The following NUDCD1 variants were observed in gnomAD, a reference collection of about 807,000 sequenced individuals.
NUDCD1 encodes nudC domain-containing protein 1.
A neutral mutation model predicts 67.8 loss-of-function variants in NUDCD1; 60 were observed. That is an observed-to-expected ratio of 0.88 (90% confidence interval 0.72 to 1.10). The LOEUF (loss-of-function observed/expected upper bound fraction) is 1.10. Ranked by LOEUF, NUDCD1 falls within the 50% of genes least tolerant of loss-of-function variation. The probability of loss-of-function intolerance (pLI) is 0.00; values close to 1 mark genes in which losing one functional copy is unlikely to be tolerated. For synonymous variants in NUDCD1, 244 were observed against 230.8 expected (o/e 1.06, Z -0.52); for missense variants, 643 against 695.0 (o/e 0.93, Z 0.84).
At chr8:109,274,996 A>G (rs1026059987) in intron 7 of NUDCD1, among the ~76,000 whole-genome samples, 1 of 152,162 alleles carries the variant, frequency 6.6e-6, no homozygotes, top group African/African-American at 2.4e-5. Context: ...AATTTTAGGG[A>G]TAAGTAGATT....
intron 2 of NUDCD1, among the ~76,000 whole-genome samples, chr8:109,318,765 C>G (rs1815462252): frequency 6.6e-6 from 1 of 152,106 alleles, no homozygotes. Context: ...GAACTCATAC[C>G]TACACTTGGA....
intron 1 of NUDCD1, among the ~76,000 whole-genome samples, chr8:109,332,396 A>C (rs1406238585): frequency 1.3e-5 from 2 of 152,222 alleles, no homozygotes; most frequent in Non-Finnish European, 2.9e-5. Flanking sequence ...TGACTCTGGC[A>C]CAAGTGTCTC....
At chr8:109,254,895 A>C (rs1005779252) in intron 8 of NUDCD1, among the ~76,000 whole-genome samples, 3 of 152,202 alleles carry the variant, frequency 2.0e-5, no homozygotes, top group Non-Finnish European at 4.4e-5. Flanking sequence ...TTCTGTACAC[A>C]GAATAAATTG....
chr8:109,283,225 T>G (rs1814497705), intron 5 of NUDCD1, among the ~76,000 whole-genome samples: 1 of 152,144 alleles, frequency 6.6e-6, no homozygotes, highest in African/African-American at 2.4e-5. Flanking sequence ...TCTTTCAAAC[T>G]AGTCCAGCTA....
intron 6 of NUDCD1, among the ~76,000 whole-genome samples, chr8:109,280,718 A>G (rs1290634836): frequency 1.3e-5 from 2 of 152,196 alleles, no homozygotes; most frequent in Admixed American, 6.5e-5. Context: ...ACCTATGATT[A>G]TTATTGTATC....
intron 4 of NUDCD1, among the ~76,000 whole-genome samples, chr8:109,292,951 G>A (rs745696920): frequency 6.6e-6 from 1 of 151,752 alleles, no homozygotes; most frequent in Non-Finnish European, 1.5e-5. Context: ...TCATTTCCAA[G>A]TAAGTATTTA....
intron 3 of NUDCD1, among the ~76,000 whole-genome samples, chr8:109,294,842 T>C (rs1243204949): frequency 6.6e-6 from 1 of 151,926 alleles, no homozygotes; most frequent in Non-Finnish European, 1.5e-5. Context: ...CCCACCATGC[T>C]CCGTAATCAC....
intron 1 of NUDCD1, among the ~76,000 whole-genome samples, chr8:109,332,448 A>C (rs898179261): frequency 6.6e-6 from 1 of 152,198 alleles, no homozygotes; most frequent in Non-Finnish European, 1.5e-5. Flanking sequence ...AAAGGATAAG[A>C]GACCACACGG....
At chr8:109,281,244 A>G in intron 5 of NUDCD1, 72 bp from the exon 6 acceptor site, 1 of 964,790 alleles carries the variant, frequency 1.0e-6, no homozygotes, top group Non-Finnish European at 1.6e-6. Flanking sequence ...AAACCTATCT[A>G]AAAGAATTTT....
Position 109,245,360 on chromosome 8 carries a change from T to C in NUDCD1, c.1421A>G (p.Asp474Gly). ...LLWQPHSSKQDDMWEHIATFN... is the reference protein window; with the variant it reads ...LLWQPHSSKQGDMWEHIATFN... ...AGTTGCGATGTGCTCCCACATATCA[T>C]CTTGTTTGCTGGAGTGTGGTTGCCA... Residue 474 changes from aspartate to glycine, a missense_variant, in exon 9 of 10, where the codon GAT becomes GGT. Transcript: ENST00000239690. 2 of 1,613,958 alleles carry C rather than the reference T, an allele frequency of 1.2e-6. No homozygotes were observed. The highest frequency in any genetic ancestry group is 1.7e-6 in the Non-Finnish European group (2 of 1,179,916).
intron 2 of NUDCD1, among the ~76,000 whole-genome samples, chr8:109,312,609 T>G (rs1041742619): frequency 2.6e-5 from 4 of 152,154 alleles, no homozygotes; most frequent in African/African-American, 9.7e-5. Flanking sequence ...TATGTTTATT[T>G]TAATAACGAA....
intron 2 of NUDCD1, among the ~76,000 whole-genome samples, chr8:109,320,793 C>T (rs771437567): frequency 2.6e-5 from 4 of 152,194 alleles, no homozygotes; most frequent in Non-Finnish European, 5.9e-5. Flanking sequence ...TCCATGAAAT[C>T]TTCACAATCT....
intron 3 of NUDCD1, among the ~76,000 whole-genome samples, chr8:109,294,478 T>G (rs1293636952): frequency 7.5e-6 from 1 of 132,946 alleles, no homozygotes; most frequent in African/African-American, 4.2e-5. Flanking sequence ...GAAGGCAGGT[T>G]TTTATTGGTT....
At chr8:109,290,403 C>T (rs1814685051) in intron 4 of NUDCD1, among the ~76,000 whole-genome samples, 1 of 152,100 alleles carries the variant, frequency 6.6e-6, no homozygotes, top group African/African-American at 2.4e-5. Flanking sequence ...ACCTACCTCT[C>T]CTTGACTAAA....
At chr8:109,299,597 G>C (rs568339822) in intron 2 of NUDCD1, among the ~76,000 whole-genome samples, 1 of 152,234 alleles carries the variant, frequency 6.6e-6, no homozygotes, top group South Asian at 2.1e-4. Flanking sequence ...GCTGTGGCAA[G>C]AAATGCCCAA....
intron 2 of NUDCD1, among the ~76,000 whole-genome samples, chr8:109,300,642 A>T (rs988759605): frequency 1.3e-5 from 2 of 152,196 alleles, no homozygotes; most frequent in Middle Eastern, 3.2e-3. Flanking sequence ...ATTCCTGTGG[A>T]AGAAGAGAAA....
At position 109,243,066 on chromosome 8, in the gene NUDCD1, T is replaced by C. The variant is rs769931123; in HGVS notation, c.1695A>G (p.Arg565=). Residue 565 remains arginine (R), a synonymous_variant, in exon 10 of 10, where the codon AGA becomes AGG. Transcript: ENST00000239690. ...GGTTTTTGGTAGTAAGAACAAATAA[T>C]CTCTCATTTGTTGCCTGAAATCCTA... ...PILGFQATNE[R]LFVLTTKNLF... is the part of the protein sequence containing the mutation. 5.0e-6 allele frequency: 8 copies of C among 1,605,850 alleles called. No individual in the cohort carries two copies. The African/African-American group carries it at 1.1e-4, about 21-fold the overall frequency.
intron 7 of NUDCD1, among the ~76,000 whole-genome samples, chr8:109,274,120 C>T (rs1379923882): frequency 6.6e-6 from 1 of 151,990 alleles, no homozygotes; most frequent in Non-Finnish European, 1.5e-5. Flanking sequence ...TTATTTTCCC[C>T]AAGATCACAA....
rs1268847807 is a variant in NUDCD1, at chr8:109,241,298, CA to C, written c.*1710del. The C allele has an allele frequency of 6.6e-6, 1 of 152,108 alleles. No individual in the cohort carries two copies. Among genetic ancestry groups the C allele is most frequent in the Non-Finnish European group, 1.5e-5 (1 of 68,028 alleles). 9.4% of individuals were successfully genotyped at this position (152,108 alleles called of 1,614,324 possible). A position where few individuals can be genotyped will look rare whatever the true frequency, so the allele number is the denominator to read the frequency against. ...CATAGTCATGGTTAATTAAGCACCACATTTTTATTATACATTTTTCTTATGT... is the reference window on the plus strand; with the variant it reads ...CATAGTCATGGTTAATTAAGCACCACTTTTTATTATACATTTTTCTTATGT... On this transcript the variant is annotated 3_prime_UTR_variant, in exon 10 of 10. Transcript: ENST00000239690.
Sources: gnomAD v4.1 joint callset for allele counts (sites outside exome capture counted in the v4.1 genomes callset) on GRCh38, gnomAD v4.1.1 for gene constraint, MANE v1.5 for transcripts, NCBI Gene and HGNC (gene_info 2026-07-23, HGNC 2026-07-21) for gene names.